The following TUBGCP4 variants were observed in gnomAD, a reference collection of about 807,000 sequenced individuals.
TUBGCP4 encodes the protein tubulin gamma complex component 4.
Under a neutral mutation model 91.6 loss-of-function variants are expected in TUBGCP4, and 54 were observed. That is an observed-to-expected ratio of 0.59 (90% CI 0.47 to 0.74). The LOEUF is 0.74. Among genes scored for constraint, TUBGCP4 ranks in the 30% least tolerant of loss-of-function variants. The probability of loss-of-function intolerance (pLI) is 0.00; values close to 1 mark genes in which losing one functional copy is unlikely to be tolerated. For synonymous variants in TUBGCP4, 297 were observed against 302.8 expected (o/e 0.98, Z 0.20); for missense variants, 593 against 800.9 (o/e 0.74, Z 3.13).
rs2044563529 is a variant in TUBGCP4, at chr15:43,395,353, T to C, written c.1065+196T>C. The C allele has an allele frequency of 1.8e-5, 12 of 676,028 alleles. No homozygotes were observed. In the South Asian group the frequency reaches 2.0e-4, roughly 11 times the overall value. 41.9% of individuals were successfully genotyped at this position (676,028 alleles called of 1,614,324 possible). On this transcript the variant is annotated intron_variant, in intron 10 of 17. Transcript: ENST00000564079. ...AAAGATTTGGGAGTGTACTTTTTTC[T>C]GGCATATATATATAATTATGTTGCT...
chr15:43,383,556 A>G (rs767452236), intron 7 of TUBGCP4, 52 bp downstream of exon 7: 3 of 1,476,714 alleles, frequency 2.0e-6, no homozygotes, highest in Non-Finnish European at 2.7e-6. Context: ...TCAGAAAAGC[A>G]TGCACACAAA....
At position 43,409,578 on chromosome 15, in the gene TUBGCP4, C is replaced by A. The variant is rs1489422783; in HGVS notation, c.*4364C>A. ...CCAGGTTCCCCAACCCCTCCCAGGCCTCTTCTCAACACAGCAAGTTGGCTC... is the reference window on the plus strand; with the variant it reads ...CCAGGTTCCCCAACCCCTCCCAGGCATCTTCTCAACACAGCAAGTTGGCTC... On this transcript the variant is annotated 3_prime_UTR_variant, in exon 18 of 18. Transcript: ENST00000564079. 5 of 856,118 alleles carry A rather than the reference C, an allele frequency of 5.8e-6. No individual in the cohort carries two copies. Among genetic ancestry groups the A allele is most frequent in the Non-Finnish European group, 8.8e-6 (5 of 566,336 alleles). The allele number at this position is 856,118 out of a possible 1,614,324, so 53.0% of individuals were successfully genotyped here.
intron 17 of TUBGCP4, 141 bp downstream of exon 17, chr15:43,404,693 T>C: frequency 1.2e-6 from 1 of 826,520 alleles, no homozygotes; most frequent in Non-Finnish European, 1.8e-6. Flanking sequence ...TGTGACCATC[T>C]TTAATAATTT....
Position 43,407,134 on chromosome 15 carries a change from G to A in TUBGCP4, c.*1920G>A, listed in dbSNP as rs1566909558. 2.3e-6 allele frequency: 1 copy of A among 433,972 alleles called. No homozygotes were observed. Among genetic ancestry groups the A allele is most frequent in the Non-Finnish European group, 4.2e-6 (1 of 239,320 alleles). The allele number at this position is 433,972 out of a possible 1,614,324, so 26.9% of individuals were successfully genotyped here. A position where few individuals can be genotyped will look rare whatever the true frequency, so the allele number is the denominator to read the frequency against. ...CTGTCCTCCGTAAGTGAATAAGCCT[G>A]TTGAAAGACTCAGAGAAAGTACTAT... On this transcript the variant is annotated 3_prime_UTR_variant, in exon 18 of 18. Transcript: ENST00000564079.
At chr15:43,389,029 C>T (rs771479808) in intron 9 of TUBGCP4, among the ~76,000 whole-genome samples, 1 of 152,142 alleles carries the variant, frequency 6.6e-6, no homozygotes, top group Non-Finnish European at 1.5e-5. Flanking sequence ...ATGGGAGGGG[C>T]ATGAGTGGGG....
chr15:43,385,347 A>T (rs1457061139), intron 7 of TUBGCP4: 1 of 455,816 alleles, frequency 2.2e-6, no homozygotes, highest in African/African-American at 2.0e-5. Flanking sequence ...AAAAATTAAA[A>T]CTATCTGTTA....
Position 43,409,156 on chromosome 15 carries a change from G to C in TUBGCP4, c.*3942G>C, listed in dbSNP as rs879047878. 18 of 1,516,228 alleles carry C rather than the reference G, an allele frequency of 1.2e-5. No individual in the cohort carries two copies. Among genetic ancestry groups the C allele is most frequent in the Non-Finnish European group, 1.8e-6 (2 of 1,097,138 alleles). The allele number at this position is 1,516,228 out of a possible 1,614,324, so 93.9% of individuals were successfully genotyped here. ...GACTTCTGTGGAAAGCTCCTAAGCA[G>C]CAGCCATAATGAGCCATGAAGAGCA... On this transcript the variant is annotated 3_prime_UTR_variant, in exon 18 of 18. Transcript: ENST00000564079.
rs192057034 is a variant in TUBGCP4 at position 43,406,291 on chromosome 15, T to C, written c.*1077T>C. 1 of 223,542 alleles carries C rather than the reference T, an allele frequency of 4.5e-6. No homozygotes were observed. The highest frequency in any genetic ancestry group is 9.0e-6 in the Non-Finnish European group (1 of 110,644). The allele number at this position is 223,542 out of a possible 1,614,324, so 13.8% of individuals were successfully genotyped here. A position where few individuals can be genotyped will look rare whatever the true frequency, so the allele number is the denominator to read the frequency against. On this transcript the variant is annotated 3_prime_UTR_variant, in exon 18 of 18. Transcript: ENST00000564079. ...TCCAAACTGAAAAAGAATGCAGTGT[T>C]CTGGCATCAGGTTATAGTCACTGCA...
At position 43,373,826 on chromosome 15, in the gene TUBGCP4, G is replaced by GT. The variant is rs1397997391; in HGVS notation, c.79-2265dup. On this transcript the variant is annotated intron_variant, in intron 1 of 17. Transcript: ENST00000564079. ...GCCACACCCGGCTAATTTTTTTGTA[G>GT]TTTTTTTAGTAAAGATGGGGTTTCA... is the stretch of plus-strand genomic sequence containing the variant. 4.0e-5 allele frequency among the ~76,000 whole-genome samples: 6 copies of GT among 151,594 alleles called. No individual in the cohort carries two copies. The South Asian group carries it at 8.3e-4, about 21-fold the overall frequency.
At position 43,408,944 on chromosome 15, in the gene TUBGCP4, A is replaced by G. The variant is rs2045020482; in HGVS notation, c.*3730A>G. 1 of 1,614,106 alleles carries G rather than the reference A, an allele frequency of 6.2e-7. No individual in the cohort carries two copies. The highest frequency in any genetic ancestry group is 1.1e-5 in the South Asian group (1 of 91,082). On this transcript the variant is annotated 3_prime_UTR_variant, in exon 18 of 18. Transcript: ENST00000564079. ...CAAGGCTGTACCCAGCTGGCAACAG[A>G]TAATTACGGTAGTTCTGGAGCTGGT... is the stretch of plus-strand genomic sequence containing the variant.
chr15:43,403,637 A>T (rs1237238968), intron 15 of TUBGCP4, 46 bp from the exon 16 acceptor site: 1 of 1,371,148 alleles, frequency 7.3e-7, no homozygotes, highest in Non-Finnish European at 1.0e-6. Flanking sequence ...AACTTCATGG[A>T]TGTACCTTCC....
At chr15:43,378,809 C>G (rs1342574037) in intron 5 of TUBGCP4, among the ~76,000 whole-genome samples, 2 of 152,212 alleles carry the variant, frequency 1.3e-5, no homozygotes, top group African/African-American at 2.4e-5. Flanking sequence ...CACACACAAT[C>G]CACTAAAGGG....
intron 17 of TUBGCP4, chr15:43,404,842 A>T (rs939471418): frequency 6.2e-6 from 3 of 480,724 alleles, no homozygotes; most frequent in Non-Finnish European, 1.1e-5. Flanking sequence ...CCCAATTCTG[A>T]TATGAACTAG....
Position 43,409,317 on chromosome 15 carries a change from T to C in TUBGCP4, c.*4103T>C, listed in dbSNP as rs2045034133. ...ACCTGCAGCATACTGAGGACCTAAA[T>C]CCTCAACGGACAACCAAAACCTATG... On this transcript the variant is annotated 3_prime_UTR_variant, in exon 18 of 18. Coordinates refer to ENST00000564079, the MANE Select transcript of TUBGCP4 (RefSeq NM_014444.5). The C allele has an allele frequency of 8.4e-6, 5 of 592,500 alleles. No homozygotes were observed. The Admixed American group carries it at 1.5e-4, about 18-fold the overall frequency. The allele number at this position is 592,500 out of a possible 1,614,324, so 36.7% of individuals were successfully genotyped here. A position where few individuals can be genotyped will look rare whatever the true frequency, so the allele number is the denominator to read the frequency against.
intron 9 of TUBGCP4, chr15:43,394,445 TTTTG>T (rs936342691): frequency 3.3e-5 from 5 of 152,180 alleles, no homozygotes; most frequent in Admixed American, 2.6e-4. Flanking sequence ...CCAGTTTACC[TTTTG>T]TTTTTCTTTT....
In TUBGCP4 at chr15:43,407,388, G is replaced by A. The variant is rs1200209660; in HGVS notation, c.*2174G>A. 1.2e-6 allele frequency: 2 copies of A among 1,613,988 alleles called. No homozygotes were observed. Among genetic ancestry groups the A allele is most frequent in the South Asian group, 1.1e-5 (1 of 91,062 alleles). Reference sequence around the variant, plus strand: ...ACCAGTAAGACCAAGTATCTTTAGTGAGAAACATAATCGTGTTTATATTTT... The same window carrying A: ...ACCAGTAAGACCAAGTATCTTTAGTAAGAAACATAATCGTGTTTATATTTT... On this transcript the variant is annotated 3_prime_UTR_variant, in exon 18 of 18. Coordinates refer to ENST00000564079, the MANE Select transcript of TUBGCP4 (RefSeq NM_014444.5).
chr15:43,409,677 G>A lies in TUBGCP4; in HGVS notation c.*4463G>A, dbSNP rs1372632691. The stretch of plus-strand genomic sequence containing the variant: ...CTTCATTGAAATCTTCAAGGATATA[G>A]CCAGCTCCTGCTCGAAGCTGGGATT... On this transcript the variant is annotated 3_prime_UTR_variant, in exon 18 of 18. Coordinates refer to ENST00000564079, the MANE Select transcript of TUBGCP4 (RefSeq NM_014444.5). 6.3e-7 allele frequency: 1 copy of A among 1,574,996 alleles called. No individual in the cohort carries two copies. Among genetic ancestry groups the A allele is most frequent in the Non-Finnish European group, 8.6e-7 (1 of 1,162,630 alleles).
chr15:43,399,717 T>C (rs983008149), intron 13 of TUBGCP4, among the ~76,000 whole-genome samples: 6 of 152,322 alleles, frequency 3.9e-5, no homozygotes, highest in Admixed American at 1.3e-4. Context: ...AAATCATGTT[T>C]TTGAATATGA....
At chr15:43,387,566 A>T (rs2044396400) in intron 9 of TUBGCP4, among the ~76,000 whole-genome samples, 1 of 152,048 alleles carries the variant, frequency 6.6e-6, no homozygotes, top group East Asian at 1.9e-4. Context: ...GGTTCAAGCG[A>T]TTCTCCCGCC....
Sources: gnomAD v4.1 joint callset for allele counts (sites outside exome capture counted in the v4.1 genomes callset) on GRCh38, gnomAD v4.1.1 for gene constraint, MANE v1.5 for transcripts, NCBI Gene and HGNC (gene_info 2026-07-23, HGNC 2026-07-21) for gene names.